Variants in DAB1 observed in about 807,000 individuals in gnomAD.
DAB1 encodes DAB adaptor protein 1.
DAB1 carries 15 observed loss-of-function variants against 64.6 expected under a neutral mutation model. The observed-to-expected ratio is 0.23, with a 90% confidence interval of 0.16 to 0.36. The LOEUF (loss-of-function observed/expected upper bound fraction) is 0.36, where lower values mean the gene tolerates loss of function less well. Among genes scored for constraint, DAB1 ranks in the 10% least tolerant of loss-of-function variants. The pLI is 1.00. For missense variants in DAB1, 596 were observed against 706.7 expected (o/e 0.84, Z 1.78); for synonymous variants, 235 against 251.9 (o/e 0.93, Z 0.64).
chr1:57,066,957 A>G (rs1570628012), intron 8 of DAB1, among the ~76,000 whole-genome samples: 1 of 152,282 alleles, frequency 6.6e-6, no homozygotes, highest in East Asian at 1.9e-4. Flanking sequence ...GCCAAGCTGA[A>G]GTACTAACAA....
intron 2 of DAB1, among the ~76,000 whole-genome samples, chr1:57,244,644 CAG>C (rs1263882902): frequency 6.6e-6 from 1 of 152,326 alleles, no homozygotes; most frequent in East Asian, 1.9e-4. Context: ...ATTAGGGAAA[CAG>C]GGACTTCATC....
At chr1:58,342,601 C>T (rs1458220668) in intron 4 of DAB1, among the ~76,000 whole-genome samples, 3 of 152,162 alleles carry the variant, frequency 2.0e-5, no homozygotes, top group Non-Finnish European at 4.4e-5. Flanking sequence ...CACGCTGACA[C>T]CTCAAGCTCA....
intron 4 of DAB1, among the ~76,000 whole-genome samples, chr1:58,153,536 T>C (rs1448294106): frequency 2.0e-5 from 3 of 152,168 alleles, no homozygotes; most frequent in Non-Finnish European, 4.4e-5. Context: ...TGTTTTATTA[T>C]TGTCTTTCAT....
At chr1:57,426,859 A>AATATATATATATATATATATATATATAT (rs998763894), upstream of DAB1, among the ~76,000 whole-genome samples, 7 of 122,788 alleles carry the variant, frequency 5.7e-5, no homozygotes, top group Non-Finnish European at 1.1e-4. Context: ...TAAATGAGAT[A>AATATATATATATATATATATATATATAT]ATATATATAT....
At chr1:58,388,609 AC>A (rs1240767380) in intron 3 of DAB1, among the ~76,000 whole-genome samples, 10 of 152,200 alleles carry the variant, frequency 6.6e-5, no homozygotes. Flanking sequence ...AAGATCATCT[AC>A]CTTTTTGTTC....
chr1:58,164,907 C>A (rs1655742351), intron 4 of DAB1, among the ~76,000 whole-genome samples: 1 of 152,070 alleles, frequency 6.6e-6, no homozygotes, highest in Non-Finnish European at 1.5e-5. Flanking sequence ...GGGGTTATAT[C>A]TATTTGGTAG....
At chr1:57,859,105 G>GCGGC (rs113191520) in intron 1 of DAB1, among the ~76,000 whole-genome samples, 3,209 of 152,164 alleles carry the variant, frequency 0.021, 135 homozygotes, top group African/African-American at 0.074. Flanking sequence ...ACTTCCCTAA[G>GCGGC]CAGCCGAGAT....
chr1:58,376,448 T>C (rs1159808088), intron 3 of DAB1, among the ~76,000 whole-genome samples: 1 of 137,670 alleles, frequency 7.3e-6, no homozygotes, highest in Non-Finnish European at 1.6e-5. Flanking sequence ...CCAGTAGTCA[T>C]TCAGGAGCAG....
rs536351586 is a variant in DAB1 at position 57,616,891 on chromosome 1, C to G, written n.625+32701G>C. On this transcript the variant is annotated intron_variant and non_coding_transcript_variant, in intron 7 of 20. Coordinates refer to the DAB1 transcript ENST00000485760. The stretch of plus-strand genomic sequence containing the variant: ...CAACAGGACTAGCAGGTCTGCCATG[C>G]TCTGAGGGTGGCAGAGGATTGGTAA... Among the ~76,000 whole-genome samples, 11 of 152,266 alleles carry G rather than the reference C, an allele frequency of 7.2e-5. No individual in the cohort carries two copies. In the East Asian group the frequency reaches 1.4e-3, roughly 19 times the overall value.
chr1:57,905,028 T>C (rs555165846), intron 5 of DAB1, among the ~76,000 whole-genome samples: 6 of 152,316 alleles, frequency 3.9e-5, no homozygotes, highest in Admixed American at 3.3e-4. Flanking sequence ...ACTTACTATA[T>C]ACTAGGCATT....
At chr1:57,706,425 C>T (rs753022120) in intron 6 of DAB1, among the ~76,000 whole-genome samples, 18 of 152,038 alleles carry the variant, frequency 1.2e-4, no homozygotes, top group South Asian at 4.1e-4. Context: ...ATCCTCAATC[C>T]TCCCACCTCA....
At chr1:57,109,832 A>G (rs1655499429) in intron 4 of DAB1, among the ~76,000 whole-genome samples, 1 of 152,176 alleles carries the variant, frequency 6.6e-6, no homozygotes, top group South Asian at 2.1e-4. Context: ...AGACCATTAA[A>G]TGATTTCTAA....
intron 6 of DAB1, among the ~76,000 whole-genome samples, chr1:57,816,476 C>T (rs1651859819): frequency 6.6e-6 from 1 of 152,224 alleles, no homozygotes; most frequent in African/African-American, 2.4e-5. Context: ...CATTATCTGG[C>T]TTTCAAACAC....
At chr1:57,518,655 T>G (rs6694496) in intron 7 of DAB1, among the ~76,000 whole-genome samples, 10,617 of 152,196 alleles carry the variant, frequency 0.07, 1,153 homozygotes, top group African/African-American at 0.23. Context: ...CAAGCTCTCG[T>G]GTGTCCTGCT....
intron 1 of DAB1, among the ~76,000 whole-genome samples, chr1:57,381,467 A>G (rs1558276370): frequency 6.6e-6 from 1 of 152,184 alleles, no homozygotes; most frequent in Non-Finnish European, 1.5e-5. Context: ...TGCAATGTCT[A>G]TAGAATAAAT....
At chr1:57,470,750 TA>T (rs1332526700) in intron 7 of DAB1, among the ~76,000 whole-genome samples, 1 of 152,162 alleles carries the variant, frequency 6.6e-6, no homozygotes, top group African/African-American at 2.4e-5. Context: ...CTAATTCCTT[TA>T]AAAATCAGCA....
intron 4 of DAB1, among the ~76,000 whole-genome samples, chr1:58,248,815 C>A (rs538913399): frequency 6.6e-6 from 1 of 152,264 alleles, no homozygotes; most frequent in African/African-American, 2.4e-5. Flanking sequence ...AAACCCCACT[C>A]TGCAGCAGAA....
intron 4 of DAB1, among the ~76,000 whole-genome samples, chr1:58,247,810 C>T (rs549255190): frequency 1.3e-5 from 2 of 149,962 alleles, no homozygotes; most frequent in Non-Finnish European, 1.5e-5. Context: ...CACCTCCCAC[C>T]GAGTTCTCTG....
intron 5 of DAB1, among the ~76,000 whole-genome samples, chr1:58,143,634 A>G (rs774430292): frequency 1.3e-5 from 2 of 152,196 alleles, no homozygotes; most frequent in Admixed American, 6.5e-5. Flanking sequence ...TATTGTATGG[A>G]TTCAATATAA....
Sources: gnomAD v4.1 joint callset for allele counts (sites outside exome capture counted in the v4.1 genomes callset) on GRCh38, gnomAD v4.1.1 for gene constraint, MANE v1.5 for transcripts, NCBI Gene and HGNC (gene_info 2026-07-23, HGNC 2026-07-21) for gene names.